The following GALNT5 variants were observed in gnomAD, a reference collection of about 807,000 sequenced individuals.
GALNT5 encodes the protein polypeptide N-acetylgalactosaminyltransferase 5, also known as UDP-GalNAc:polypeptide N-acetylgalactosaminyltransferase 5.
In GALNT5, 72 loss-of-function variants were observed where a neutral mutation model predicts 85.4. The ratio of observed to expected loss-of-function variants is 0.84; its 90% CI spans 0.70 to 1.03. GALNT5 has a LOEUF of 1.03. GALNT5 is among the 50% of genes least tolerant of loss of function. The pLI is 0.00. For synonymous variants in GALNT5, 404 were observed against 397.0 expected, an observed-to-expected ratio of 1.02 and a Z score of -0.21; for missense variants, 1,137 against 1,135.5, an observed-to-expected ratio of 1.00 and a Z score of -0.02.
chr2:157,281,855 A>C, intron 1 of GALNT5, among the ~76,000 whole-genome samples: 1 of 152,218 alleles, frequency 6.6e-6, no homozygotes, highest in East Asian at 1.9e-4. Context: ...ATGAAATCGG[A>C]TATTTAGCTG....
Position 157,259,498 on chromosome 2 carries a change from C to G in GALNT5, c.1416C>G (p.Ile472Met). 7.0e-7 allele frequency: 1 copy of G among 1,422,030 alleles called. No individual in the cohort carries two copies. The highest frequency in any genetic ancestry group is 1.9e-5 in the South Asian group (1 of 51,350). 88.1% of individuals were successfully genotyped at this position (1,422,030 alleles called of 1,614,324 possible). A position where few individuals can be genotyped will look rare whatever the true frequency, so the allele number is the denominator to read the frequency against. The change falls in exon 1 of 10, where the codon ATC (isoleucine) becomes ATG (methionine). Residue 472 changes from isoleucine (I) to methionine (M), a missense_variant. Coordinates refer to ENST00000259056, the MANE Select transcript of GALNT5 (RefSeq NM_014568.3). ...GNFNVYLSDL[I>M]PVDRAIEDTR... ...TCAATGTCTACCTTAGCGATTTGAT[C>G]CCAGTGGATAGAGCCATTGAAGACA... is the stretch of plus-strand genomic sequence containing the variant.
In GALNT5 at chr2:157,311,748, T is replaced by G. The variant is rs1270686292; in HGVS notation, c.*400T>G. 1 of 154,480 alleles carries G rather than the reference T, an allele frequency of 6.5e-6. No homozygotes were observed. The highest frequency in any genetic ancestry group is 1.4e-5 in the Non-Finnish European group (1 of 69,772). The allele number at this position is 154,480 out of a possible 1,614,324, so 9.6% of individuals were successfully genotyped here. Reference sequence around the variant, plus strand: ...TAGGAATGATCAATGAGAACTTAACTTAGTCCTTTATTTGGGGATTTTTTC... The same window carrying G: ...TAGGAATGATCAATGAGAACTTAACGTAGTCCTTTATTTGGGGATTTTTTC... On this transcript the variant is annotated 3_prime_UTR_variant, in exon 10 of 10. Transcript: ENST00000259056.
intron 3 of GALNT5, among the ~76,000 whole-genome samples, chr2:157,292,767 G>A (rs1008907489): frequency 6.6e-6 from 1 of 151,804 alleles, no homozygotes; most frequent in African/African-American, 2.4e-5. Context: ...GTGCAGTGCC[G>A]TGATCTCTGC....
chr2:157,268,373 G>A (rs1468045681), intron 1 of GALNT5, among the ~76,000 whole-genome samples: 3 of 152,188 alleles, frequency 2.0e-5, no homozygotes, highest in Admixed American at 6.5e-5. Context: ...GATAGATTCA[G>A]ATTAAAGGAC....
At chr2:157,299,413 C>A in intron 5 of GALNT5, 135 bp from the exon 6 acceptor site, 1 of 607,892 alleles carries the variant, frequency 1.6e-6, no homozygotes, top group Non-Finnish European at 3.0e-6. Context: ...TTTGTGACTC[C>A]ATCCCAGGGC....
At position 157,308,539 on chromosome 2, in the gene GALNT5, G is replaced by A. The variant is rs754199249; in HGVS notation, c.2521-28G>A. 6.5e-5 allele frequency: 102 copies of A among 1,578,070 alleles called. No homozygotes were observed. In the Middle Eastern group the frequency reaches 9.1e-4, roughly 14 times the overall value. ...CCCCTGCCTGTGTTTGCTGCCTGAA[G>A]TGACCTCTTTATTCATTTCCCCCAC... On this transcript the variant is annotated intron_variant, in intron 8 of 9. Transcript: ENST00000259056.
rs1682977802 is a variant in GALNT5, at chr2:157,286,573, A to G, written c.1741+439A>G. 2.6e-5 allele frequency among the ~76,000 whole-genome samples: 4 copies of G among 152,014 alleles called. No homozygotes were observed. In the South Asian group the frequency reaches 8.3e-4, roughly 31 times the overall value. ...GGCTGGAGTGCACTGGTGCCATCTC[A>G]GCTCACCACAACCTCCGCCTCCCTC... On this transcript the variant is annotated intron_variant, in intron 3 of 9. Transcript: ENST00000259056.
At chr2:157,265,166 A>G (rs1682431346) in intron 1 of GALNT5, among the ~76,000 whole-genome samples, 1 of 152,208 alleles carries the variant, frequency 6.6e-6, no homozygotes, top group Admixed American at 6.5e-5. Flanking sequence ...TTTGTGTGTT[A>G]GAGCACAGTA....
chr2:157,292,129 G>A (rs947732593), intron 3 of GALNT5, among the ~76,000 whole-genome samples: 5 of 152,062 alleles, frequency 3.3e-5, no homozygotes, highest in East Asian at 3.8e-4. Flanking sequence ...TCTTCATAGG[G>A]CAAAGCTCAA....
chr2:157,298,613 C>T (rs1170937526), intron 5 of GALNT5, among the ~76,000 whole-genome samples: 1 of 152,240 alleles, frequency 6.6e-6, no homozygotes, highest in Non-Finnish European at 1.5e-5. Flanking sequence ...CCCACTCCCA[C>T]CCTGTGGAGC....
chr2:157,282,021 T>C (rs972604318), intron 1 of GALNT5, among the ~76,000 whole-genome samples: 1 of 152,196 alleles, frequency 6.6e-6, no homozygotes, highest in Non-Finnish European at 1.5e-5. Flanking sequence ...ATAAAGCTCT[T>C]AAGTGAAGAG....
At chr2:157,283,489 T>A (rs767709885) in intron 1 of GALNT5, among the ~76,000 whole-genome samples, 1 of 152,212 alleles carries the variant, frequency 6.6e-6, no homozygotes, top group Non-Finnish European at 1.5e-5. Flanking sequence ...TGCATTCCTA[T>A]GCCAGCAAAA....
At position 157,315,757 on chromosome 2, in the gene GALNT5, A is replaced by G. The variant is rs532104370; in HGVS notation, c.*4409A>G. On this transcript the variant is annotated 3_prime_UTR_variant, in exon 10 of 10. Transcript: ENST00000259056. ...TCTTTCTCTGTGAATAATATTGAAAAAGCTCCATTTTCTGGGGAAATACCC... is the reference window on the plus strand; with the variant it reads ...TCTTTCTCTGTGAATAATATTGAAAGAGCTCCATTTTCTGGGGAAATACCC... Among the ~76,000 whole-genome samples the G allele has an allele frequency of 6.6e-6, 1 of 152,306 alleles. No homozygotes were observed. The highest frequency in any genetic ancestry group is 2.1e-4 in the South Asian group (1 of 4,826).
At position 157,258,800 on chromosome 2, in the gene GALNT5, C is replaced by A. The variant is rs1328489432; in HGVS notation, c.718C>A (p.His240Asn). The stretch of plus-strand genomic sequence containing the variant: ...ACAGGCAGTAGCAAACGAGAGGGCA[C>A]ACCCTGCCAGCACAGCAGTGCCGAA... ...RSQAVANERA[H>N]PASTAVPKSG... The change falls in exon 1 of 10, where the codon CAC becomes AAC. Residue 240 changes from histidine (H) to asparagine (N), a missense_variant. His to Asn is a moderately conservative substitution (Grantham distance 68). Transcript: ENST00000259056. 5 of 1,603,590 alleles carry A rather than the reference C, an allele frequency of 3.1e-6. No homozygotes were observed. The highest frequency in any genetic ancestry group is 4.3e-6 in the Non-Finnish European group (5 of 1,172,192).
Position 157,313,976 on chromosome 2 carries a change from C to G in GALNT5, c.*2628C>G, listed in dbSNP as rs1405689318. 1 of 152,112 alleles carries G rather than the reference C, an allele frequency of 6.6e-6. No homozygotes were observed. The highest frequency in any genetic ancestry group is 1.5e-5 in the Non-Finnish European group (1 of 68,032). The allele number at this position is 152,112 out of a possible 1,614,324, so 9.4% of individuals were successfully genotyped here. ...AGTTGGGAATCTATATGGGCCTAAA[C>G]TTGAGTGTATTGATTTATTATTACA... On this transcript the variant is annotated 3_prime_UTR_variant, in exon 10 of 10. Coordinates refer to ENST00000259056, the MANE Select transcript of GALNT5 (RefSeq NM_014568.3).
At chr2:157,289,649 T>G (rs552004374) in intron 3 of GALNT5, among the ~76,000 whole-genome samples, 1 of 152,184 alleles carries the variant, frequency 6.6e-6, no homozygotes, top group Non-Finnish European at 1.5e-5. Flanking sequence ...CTTCCCAAAC[T>G]ATCTGAAAAG....
chr2:157,282,078 TA>T lies in GALNT5; in HGVS notation c.1455-2203del, dbSNP rs1682867622. On this transcript the variant is annotated intron_variant, in intron 1 of 9. Transcript: ENST00000259056. ...TCAGAAGTGCTAATGCATGGATCCTTAGTGTAGACTAATATTAGTTTAGACA... is the reference window on the plus strand; with the variant it reads ...TCAGAAGTGCTAATGCATGGATCCTTGTGTAGACTAATATTAGTTTAGACA... Among the ~76,000 whole-genome samples the T allele has an allele frequency of 2.6e-5, 4 of 152,324 alleles. No homozygotes were observed. The South Asian group carries it at 8.3e-4, about 32-fold the overall frequency.
chr2:157,263,037 C>T (rs1181730200), intron 1 of GALNT5, among the ~76,000 whole-genome samples: 2 of 151,446 alleles, frequency 1.3e-5, no homozygotes, highest in East Asian at 1.9e-4. Flanking sequence ...CCGTGTTAGC[C>T]AGGATGGTCT....
At chr2:157,261,820 G>C (rs1343133127) in intron 1 of GALNT5, among the ~76,000 whole-genome samples, 43 of 151,976 alleles carry the variant, frequency 2.8e-4, no homozygotes, top group Admixed American at 2.4e-3. Flanking sequence ...AGTGTTTTTT[G>C]TTTTTGTTTT....
Sources: gnomAD v4.1 joint callset for allele counts (sites outside exome capture counted in the v4.1 genomes callset) on GRCh38, gnomAD v4.1.1 for gene constraint, MANE v1.5 for transcripts, NCBI Gene and HGNC (gene_info 2026-07-23, HGNC 2026-07-21) for gene names.